The following ROBO2 variants were observed in gnomAD, a reference collection of about 807,000 sequenced individuals.
ROBO2 encodes the protein roundabout guidance receptor 2, also known as roundabout homolog 2.
Under a neutral mutation model 160.8 loss-of-function variants are expected in ROBO2, and 53 were observed. That is an observed-to-expected ratio of 0.33 (90% CI 0.26 to 0.41). ROBO2 has a LOEUF of 0.41. Among genes scored for constraint, ROBO2 ranks in the 10% least tolerant of loss-of-function variants. The pLI, the probability that ROBO2 is intolerant of heterozygous loss-of-function variation, is 1.00. For missense variants in ROBO2, 1,577 were observed against 1,722.4 expected, an observed-to-expected ratio of 0.92 and a Z score of 1.49; for synonymous variants, 664 against 611.7, an observed-to-expected ratio of 1.09 and a Z score of -1.26.
Position 75,959,401 on chromosome 3 carries a change from G to T in ROBO2, c.109+21799G>T, listed in dbSNP as rs568711090. 1.5e-3 allele frequency among the ~76,000 whole-genome samples: 232 copies of T among 151,856 alleles called. 2 individuals carry two copies. Among genetic ancestry groups the T allele is most frequent in the African/African-American group, 5.2e-3 (216 of 41,514 alleles). The stretch of plus-strand genomic sequence containing the variant: ...TACCTGAAAAGGATTTCTGGAGAAA[G>T]AAAGAATTTCTGGTTAAAAAAGGGT... On this transcript the variant is annotated intron_variant, in intron 2 of 26. Transcript: ENST00000487694.
intron 1 of ROBO2, among the ~76,000 whole-genome samples, chr3:77,049,706 T>G (rs2065027120): frequency 6.6e-6 from 1 of 152,220 alleles, no homozygotes; most frequent in South Asian, 2.1e-4. Context: ...ATTTCTGTTG[T>G]AAGGATTGAT....
intron 2 of ROBO2, among the ~76,000 whole-genome samples, chr3:76,418,988 T>A (rs550209248): frequency 7.6e-6 from 1 of 132,086 alleles, no homozygotes; most frequent in East Asian, 2.0e-4. Flanking sequence ...TAAAATACCA[T>A]TGCAACCACA....
At chr3:77,341,584 T>C (rs1353994948) in intron 2 of ROBO2, among the ~76,000 whole-genome samples, 1 of 152,138 alleles carries the variant, frequency 6.6e-6, no homozygotes, top group African/African-American at 2.4e-5. Flanking sequence ...TGTTGTATAA[T>C]GAAAAGAAAT....
chr3:77,632,466 G>C, intron 23 of ROBO2: 5 of 1,525,010 alleles, frequency 3.3e-6, no homozygotes, highest in Non-Finnish European at 4.4e-6. Context: ...AACTACATTT[G>C]TTTTTAGGTT....
chr3:76,797,858 A>G (rs1211343543), intron 2 of ROBO2, among the ~76,000 whole-genome samples: 1 of 151,994 alleles, frequency 6.6e-6, no homozygotes, highest in African/African-American at 2.4e-5. Context: ...CAATCTGTCA[A>G]GATTCAACCA....
chr3:76,565,959 G>T (rs991977010), intron 2 of ROBO2, among the ~76,000 whole-genome samples: 6 of 152,184 alleles, frequency 3.9e-5, no homozygotes, highest in Admixed American at 3.9e-4. Flanking sequence ...TAGCCAACGG[G>T]TATTGCCTGG....
chr3:76,722,342 G>A (rs986348018), intron 2 of ROBO2, among the ~76,000 whole-genome samples: 12 of 151,932 alleles, frequency 7.9e-5, no homozygotes, highest in Non-Finnish European at 1.5e-4. Flanking sequence ...GGCTGATATC[G>A]AACTCCTGAC....
At chr3:77,525,702 C>T (rs2091074782) in intron 6 of ROBO2, among the ~76,000 whole-genome samples, 1 of 150,420 alleles carries the variant, frequency 6.6e-6, no homozygotes, top group Admixed American at 6.7e-5. Flanking sequence ...GCATTAAAGC[C>T]TTAATTTTTT....
intron 2 of ROBO2, among the ~76,000 whole-genome samples, chr3:77,294,807 G>C (rs1427523007): frequency 6.6e-6 from 1 of 150,730 alleles, no homozygotes; most frequent in Non-Finnish European, 1.5e-5. Flanking sequence ...GCTGAGGCTA[G>C]ATCACCCCAG....
rs76676616 is a variant in ROBO2, at chr3:76,533,263, G to A, written c.110-564751G>A. On this transcript the variant is annotated intron_variant, in intron 2 of 26. Transcript: ENST00000487694. ...AAACACAACGCCTGTCAGGCATTGC[G>A]AATCCAAAAGGGGGTTTTGTTTTTC... Among the ~76,000 whole-genome samples, 473 of 152,330 alleles carry A rather than the reference G, an allele frequency of 3.1e-3. 3 individuals are homozygous for A. The highest frequency in any genetic ancestry group is 0.011 in the African/African-American group (457 of 41,580).
chr3:77,589,900 A>T (rs2094140617), intron 17 of ROBO2, among the ~76,000 whole-genome samples: 1 of 152,186 alleles, frequency 6.6e-6, no homozygotes, highest in African/African-American at 2.4e-5. Context: ...TTTTTGAGAC[A>T]TTATATTCAA....
intron 2 of ROBO2, among the ~76,000 whole-genome samples, chr3:76,724,200 G>C (rs551154199): frequency 3.5e-4 from 53 of 152,124 alleles, no homozygotes; most frequent in African/African-American, 1.1e-3. Context: ...TCTCCATCCA[G>C]CCCAAATCCC....
intron 2 of ROBO2, among the ~76,000 whole-genome samples, chr3:76,269,024 A>G (rs1707265550): frequency 6.6e-6 from 1 of 152,032 alleles, no homozygotes; most frequent in Admixed American, 6.6e-5. Flanking sequence ...CTGTTATCTT[A>G]TTGGGGAGGA....
chr3:77,064,859 C>T (rs1235394097), intron 1 of ROBO2, among the ~76,000 whole-genome samples: 1 of 152,076 alleles, frequency 6.6e-6, no homozygotes, highest in African/African-American at 2.4e-5. Context: ...AATAATTATA[C>T]TCTGGTATTC....
chr3:76,169,925 C>T (rs535010491), intron 2 of ROBO2, among the ~76,000 whole-genome samples: 4 of 152,126 alleles, frequency 2.6e-5, no homozygotes, highest in South Asian at 2.1e-4. Context: ...GGACTACAGG[C>T]GCCCGCCACC....
intron 2 of ROBO2, among the ~76,000 whole-genome samples, chr3:76,785,564 T>TA (rs924703415): frequency 1.3e-5 from 2 of 151,250 alleles, no homozygotes; most frequent in African/African-American, 4.8e-5. Flanking sequence ...TTTTCTTTTT[T>TA]AAAAAAATTA....
chr3:77,596,568 G>A, intron 18 of ROBO2, 55 bp from the exon 20 acceptor site: 1 of 1,609,980 alleles, frequency 6.2e-7, no homozygotes, highest in South Asian at 1.1e-5. Context: ...TGAGACGAGT[G>A]TCAAAATCTT....
chr3:77,488,115 A>G (rs2085606200), intron 4 of ROBO2, among the ~76,000 whole-genome samples: 1 of 152,170 alleles, frequency 6.6e-6, no homozygotes, highest in Non-Finnish European at 1.5e-5. Context: ...GCTGTATATA[A>G]AGTTGGATTT....
intron 2 of ROBO2, among the ~76,000 whole-genome samples, chr3:76,367,017 A>G (rs992621305): frequency 6.6e-6 from 1 of 152,076 alleles, no homozygotes; most frequent in Non-Finnish European, 1.5e-5. Flanking sequence ...GAATGTAAGC[A>G]GAAATAATGT....
Sources: allele counts gnomAD v4.1 joint callset (sites outside exome capture counted in the v4.1 genomes callset), GRCh38; gene constraint gnomAD v4.1.1; transcripts MANE v1.5; gene names NCBI Gene and HGNC (gene_info 2026-07-23, HGNC 2026-07-21).